HMGCS1: variants seen among roughly 807,000 people sequenced by gnomAD.
HMGCS1 encodes the protein 3-hydroxy-3-methylglutaryl-CoA synthase 1, also known as hydroxymethylglutaryl-CoA synthase, cytoplasmic.
A neutral mutation model predicts 52.3 loss-of-function variants in HMGCS1; 9 were observed. That is an observed-to-expected ratio of 0.17 (90% confidence interval 0.10 to 0.30). The LOEUF (loss-of-function observed/expected upper bound fraction) is 0.30. Ranked by LOEUF, HMGCS1 falls within the 10% of genes least tolerant of loss-of-function variation. The pLI, the probability that HMGCS1 is intolerant of heterozygous loss-of-function variation, is 1.00. For missense variants in HMGCS1, 320 were observed against 620.9 expected (o/e 0.52, Z 5.15); for synonymous variants, 176 against 214.4 (o/e 0.82, Z 1.57).
At chr5:43,295,305 C>T (rs190029339) in intron 6 of HMGCS1, among the ~76,000 whole-genome samples, 1 of 152,184 alleles carries the variant, frequency 6.6e-6, no homozygotes. Context: ...ACAAGAGACA[C>T]AGGGAGAAAC....
intron 8 of HMGCS1, chr5:43,293,736 CAG>C (rs1753896005): frequency 1.3e-5 from 2 of 149,630 alleles, no homozygotes; most frequent in Admixed American, 7.1e-5. Flanking sequence ...TTTTTTTTGA[CAG>C]AGTCTCGCTC....
At chr5:43,299,580 G>C (rs548082136) in intron 2 of HMGCS1, among the ~76,000 whole-genome samples, 1 of 151,968 alleles carries the variant, frequency 6.6e-6, no homozygotes, top group Non-Finnish European at 1.5e-5. Flanking sequence ...AACCCGGGAG[G>C]AGGAGCTTGC....
chr5:43,294,334 T>C, intron 7 of HMGCS1, 172 bp from the exon 8 acceptor site: 2 of 555,490 alleles, frequency 3.6e-6, no homozygotes, highest in East Asian at 5.9e-5. Flanking sequence ...TATAACTTAG[T>C]TTTAATATTG....
chr5:43,310,275 T>G (rs937417719), intron 1 of HMGCS1, among the ~76,000 whole-genome samples: 1 of 152,232 alleles, frequency 6.6e-6, no homozygotes, highest in Non-Finnish European at 1.5e-5. Context: ...GGCCCTGTTC[T>G]AAGTCACCTC....
chr5:43,293,125 T>C (rs920965144), intron 8 of HMGCS1, 152 bp from the exon 9 acceptor site: 1 of 629,806 alleles, frequency 1.6e-6, no homozygotes, highest in Admixed American at 3.4e-5. Context: ...AGATGATACC[T>C]ATTTGACAAA....
chr5:43,312,713 C>T (rs776023129), intron 1 of HMGCS1, among the ~76,000 whole-genome samples: 1 of 152,060 alleles, frequency 6.6e-6, no homozygotes, highest in African/African-American at 2.4e-5. Flanking sequence ...AATATGGAGG[C>T]AGGAAGGCGG....
At chr5:43,295,678 G>A (rs1405016644) in intron 6 of HMGCS1, 74 bp downstream of exon 6, 10 of 1,130,614 alleles carry the variant, frequency 8.8e-6, no homozygotes, top group African/African-American at 4.7e-5. Flanking sequence ...TCTCAGGTCT[G>A]TACAAATAAC....
At chr5:43,308,102 A>G (rs552264034) in intron 1 of HMGCS1, among the ~76,000 whole-genome samples, 2 of 152,358 alleles carry the variant, frequency 1.3e-5, no homozygotes, top group Non-Finnish European at 2.9e-5. Context: ...AAAAAACCTC[A>G]AGGAAATAAG....
intron 5 of HMGCS1, among the ~76,000 whole-genome samples, chr5:43,296,434 T>C (rs1009537808): frequency 2.0e-5 from 3 of 152,214 alleles, no homozygotes; most frequent in African/African-American, 7.2e-5. Context: ...TTGAATATGA[T>C]TTTTAACCCC....
intron 5 of HMGCS1, 105 bp from the exon 6 acceptor site, chr5:43,296,022 C>A: frequency 1.4e-6 from 1 of 738,968 alleles, no homozygotes. Context: ...TAAACAGCAA[C>A]CACAAATACA....
At chr5:43,296,321 T>C (rs758772143) in intron 5 of HMGCS1, among the ~76,000 whole-genome samples, 1 of 152,194 alleles carries the variant, frequency 6.6e-6, no homozygotes, top group Non-Finnish European at 1.5e-5. Context: ...CATGTACTTC[T>C]TACTGTGGGT....
chr5:43,294,525 C>T (rs1753936258), intron 7 of HMGCS1, 166 bp downstream of exon 7: 2 of 527,652 alleles, frequency 3.8e-6, no homozygotes, highest in Non-Finnish European at 6.6e-6. Flanking sequence ...AGAACTGTAG[C>T]CTCAACCCAT....
chr5:43,312,033 A>T (rs1754896829), intron 1 of HMGCS1, among the ~76,000 whole-genome samples: 1 of 152,216 alleles, frequency 6.6e-6, no homozygotes, highest in African/African-American at 2.4e-5. Flanking sequence ...AAATAACTGC[A>T]ATTTTAAAAT....
chr5:43,309,101 A>C (rs992417929), intron 1 of HMGCS1, among the ~76,000 whole-genome samples: 1 of 152,044 alleles, frequency 6.6e-6, no homozygotes, highest in African/African-American at 2.4e-5. Context: ...TTCCTTCTCC[A>C]TGTTAAGACT....
chr5:43,298,379 G>T lies in HMGCS1; in HGVS notation c.448+139C>A. 1 of 690,934 alleles carries T rather than the reference G, an allele frequency of 1.4e-6. No homozygotes were observed. The highest frequency in any genetic ancestry group is 2.4e-6 in the Non-Finnish European group (1 of 416,360). 42.8% of individuals were successfully genotyped at this position (690,934 alleles called of 1,614,324 possible). ...TCACAATTCGGATAATGACAGACAGGTAAAATATCTTTCTTAATATATCCA... is the reference window on the plus strand; with the variant it reads ...TCACAATTCGGATAATGACAGACAGTTAAAATATCTTTCTTAATATATCCA... On this transcript the variant is annotated intron_variant, in intron 3 of 10. Transcript: ENST00000325110. This position sits in a 1 kb window ranked among gnomAD's most constrained non-coding sequence, Gnocchi z 5.6.
At chr5:43,307,088 T>G (rs1754614884) in intron 2 of HMGCS1, among the ~76,000 whole-genome samples, 1 of 127,892 alleles carries the variant, frequency 7.8e-6, no homozygotes, top group African/African-American at 2.8e-5. Context: ...TTTTTTTTTT[T>G]GAGACAGAGT....
In HMGCS1 at chr5:43,292,422, C is replaced by T. The variant is rs539388983; in HGVS notation, c.1473+52G>A. The T allele has an allele frequency of 3.3e-5, 48 of 1,474,040 alleles. No homozygotes were observed. In the South Asian group the frequency reaches 5.0e-4, roughly 15 times the overall value. 91.3% of individuals were successfully genotyped at this position (1,474,040 alleles called of 1,614,324 possible). The stretch of plus-strand genomic sequence containing the variant: ...GACATTTATTTATGTTGCTAAATCC[C>T]AGTTAGGTCTCCTAAACCCTAAGAT... On this transcript the variant is annotated intron_variant, in intron 10 of 10. Transcript: ENST00000325110.
chr5:43,308,774 A>G (rs926924950), intron 1 of HMGCS1, among the ~76,000 whole-genome samples: 1 of 152,156 alleles, frequency 6.6e-6, no homozygotes, highest in Non-Finnish European at 1.5e-5. Context: ...ACTGGTAACT[A>G]CATTCGGATG....
intron 5 of HMGCS1, 74 bp downstream of exon 5, chr5:43,296,928 G>C (rs991546980): frequency 6.5e-6 from 7 of 1,076,568 alleles, no homozygotes; most frequent in Non-Finnish European, 9.5e-6. Context: ...CAAAGTAGTT[G>C]CCTACCAAAG....
Sources: gnomAD v4.1 joint callset for allele counts (sites outside exome capture counted in the v4.1 genomes callset) on GRCh38, gnomAD v4.1.1 for gene constraint, Gnocchi (gnomAD v3.1) non-coding constraint, MANE v1.5 for transcripts, NCBI Gene and HGNC (gene_info 2026-07-23, HGNC 2026-07-21) for gene names.